PTPRE: variants seen among roughly 807,000 people sequenced by gnomAD.
The protein encoded by PTPRE is protein tyrosine phosphatase receptor type E.
In PTPRE, 51 loss-of-function variants were observed where a neutral mutation model predicts 102.0. The ratio of observed to expected loss-of-function variants is 0.50; its 90% CI spans 0.40 to 0.63. PTPRE has a LOEUF of 0.63. Among genes scored for constraint, PTPRE ranks in the 30% least tolerant of loss-of-function variants. The probability of loss-of-function intolerance (pLI) is 0.00; values close to 1 mark genes in which losing one functional copy is unlikely to be tolerated. For synonymous variants in PTPRE, 345 were observed against 348.2 expected (o/e 0.99, Z 0.10); for missense variants, 752 against 915.1 (o/e 0.82, Z 2.30).
At chr10:127,987,416 G>C in intron 2 of PTPRE, 1 of 1,124,194 alleles carries the variant, frequency 8.9e-7, no homozygotes, top group African/African-American at 1.6e-5. Flanking sequence ...GCTCAGAGGG[G>C]TCTTTCTTGT....
At chr10:127,937,210 GATAATGGCTTTTT>G (rs1469853028) in intron 1 of PTPRE, among the ~76,000 whole-genome samples, 1 of 152,118 alleles carries the variant, frequency 6.6e-6, no homozygotes, top group African/African-American at 2.4e-5. Flanking sequence ...TTATTCACAT[GATAATGGCTTTTT>G]ATAAATCTGC....
chr10:127,957,261 G>A (rs971507495), intron 1 of PTPRE, among the ~76,000 whole-genome samples: 1 of 152,128 alleles, frequency 6.6e-6, no homozygotes, highest in African/African-American at 2.4e-5. Context: ...AGGGTATAAA[G>A]CCTGTGTGTA....
At chr10:128,004,444 G>A (rs764324058) in intron 2 of PTPRE, among the ~76,000 whole-genome samples, 13 of 152,024 alleles carry the variant, frequency 8.6e-5, no homozygotes, top group Admixed American at 3.9e-4. Flanking sequence ...GCTGGCAACC[G>A]CCAATCAGCT....
At chr10:128,061,492 G>A (rs1367800313) in intron 8 of PTPRE, among the ~76,000 whole-genome samples, 187 bp from the exon 9 acceptor site, 1 of 152,196 alleles carries the variant, frequency 6.6e-6, no homozygotes, top group Non-Finnish European at 1.5e-5. Context: ...AGACTAGAGA[G>A]GGGACGTATG....
intron 1 of PTPRE, among the ~76,000 whole-genome samples, chr10:127,915,905 A>AT (rs971893196): frequency 3.3e-5 from 5 of 151,488 alleles, no homozygotes; most frequent in African/African-American, 1.2e-4. Flanking sequence ...GATATATTCT[A>AT]TTTACAAGGG....
intron 1 of PTPRE, among the ~76,000 whole-genome samples, chr10:127,952,063 A>G (rs1564822671): frequency 6.6e-6 from 1 of 152,188 alleles, no homozygotes; most frequent in Non-Finnish European, 1.5e-5. Flanking sequence ...TTCAGCTGAC[A>G]AGGCTAGCAA....
chr10:127,932,360 A>G (rs1168932453), intron 1 of PTPRE, among the ~76,000 whole-genome samples: 5 of 152,230 alleles, frequency 3.3e-5, no homozygotes, highest in African/African-American at 1.2e-4. Context: ...GGCCAAATAT[A>G]TGCAAACTTA....
chr10:127,999,925 A>G (rs1235956712), intron 2 of PTPRE: 2 of 985,338 alleles, frequency 2.0e-6, no homozygotes, highest in Non-Finnish European at 2.4e-6. Context: ...GTCTGAACGA[A>G]TTGATCACCT....
chr10:127,964,503 A>T (rs777278349), intron 1 of PTPRE, among the ~76,000 whole-genome samples: 35 of 152,112 alleles, frequency 2.3e-4, no homozygotes, highest in Non-Finnish European at 1.6e-4. Flanking sequence ...AACTTCTAGG[A>T]ATATATTTTC....
chr10:128,024,084 A>G (rs537054892), intron 2 of PTPRE, among the ~76,000 whole-genome samples: 16 of 152,244 alleles, frequency 1.1e-4, no homozygotes, highest in African/African-American at 3.9e-4. Context: ...GACATTGTAC[A>G]TTGTTCTCAA....
chr10:127,984,208 A>G (rs1393278376), intron 2 of PTPRE, among the ~76,000 whole-genome samples: 2 of 150,034 alleles, frequency 1.3e-5, no homozygotes, highest in African/African-American at 4.9e-5. Flanking sequence ...CAGCCTCCCG[A>G]GTAGCTGGGA....
chr10:128,045,964 G>A (rs563917607), intron 3 of PTPRE, among the ~76,000 whole-genome samples: 1 of 152,358 alleles, frequency 6.6e-6, no homozygotes, highest in Non-Finnish European at 1.5e-5. Flanking sequence ...TGGAAGGTGG[G>A]CACTTAGTGG....
intron 9 of PTPRE, 170 bp from the exon 10 acceptor site, chr10:128,062,913 G>C (rs1849733357): frequency 2.5e-6 from 3 of 1,210,932 alleles, no homozygotes; most frequent in Middle Eastern, 2.9e-4. Context: ...GGCAGGACAG[G>C]CAGCCCCTAC....
intron 7 of PTPRE, among the ~76,000 whole-genome samples, chr10:128,059,479 C>T (rs982222486): frequency 7.2e-5 from 11 of 152,194 alleles, no homozygotes; most frequent in African/African-American, 2.4e-4. Flanking sequence ...CTGCCCGGCT[C>T]CCCATCACAA....
intron 2 of PTPRE, among the ~76,000 whole-genome samples, chr10:128,033,432 A>T (rs1049537327): frequency 5.9e-5 from 9 of 152,178 alleles, no homozygotes; most frequent in Non-Finnish European, 1.3e-4. Context: ...TATTCATTTC[A>T]TGGAATCCCA....
At chr10:127,956,593 G>A (rs779428659) in intron 1 of PTPRE, among the ~76,000 whole-genome samples, 10 of 152,206 alleles carry the variant, frequency 6.6e-5, no homozygotes, top group Non-Finnish European at 1.3e-4. Context: ...AAATGCCAAG[G>A]AGTGCAATTG....
rs373311920 is a variant in PTPRE, at chr10:127,953,288, G to A, written c.-30-28986G>A. On this transcript the variant is annotated intron_variant, in intron 1 of 20. Transcript: ENST00000254667. ...GATAGGGATGCTGTTTGGAGCCTTCGGCAGGCCCCTATAGGTAAATCACGG... is the reference window on the plus strand; with the variant it reads ...GATAGGGATGCTGTTTGGAGCCTTCAGCAGGCCCCTATAGGTAAATCACGG... Among the ~76,000 whole-genome samples the A allele has an allele frequency of 5.2e-4, 79 of 152,318 alleles. 1 individual carries two copies. In the Middle Eastern group the frequency reaches 0.01, roughly 20 times the overall value.
At chr10:127,983,970 C>T (rs1299504753) in intron 2 of PTPRE, among the ~76,000 whole-genome samples, 1 of 152,196 alleles carries the variant, frequency 6.6e-6, no homozygotes, top group African/African-American at 2.4e-5. Context: ...CAGGAGCTGA[C>T]TTCCTGTCCT....
chr10:127,969,417 C>T (rs1290706398), intron 1 of PTPRE, among the ~76,000 whole-genome samples: 4 of 152,142 alleles, frequency 2.6e-5, no homozygotes, highest in African/African-American at 7.2e-5. Context: ...TTTATAATCC[C>T]AGCACTTTGG....
Sources: allele counts gnomAD v4.1 joint callset (sites outside exome capture counted in the v4.1 genomes callset), GRCh38; gene constraint gnomAD v4.1.1; transcripts MANE v1.5; gene names NCBI Gene and HGNC (gene_info 2026-07-23, HGNC 2026-07-21).